The following GPR141 variants were observed in gnomAD, a reference collection of about 807,000 sequenced individuals.
The protein encoded by GPR141 is probable G protein-coupled receptor 141.
In GPR141, 6 loss-of-function variants were observed where a neutral mutation model predicts 6.8. The ratio of observed to expected loss-of-function variants is 0.88; its 90% CI spans 0.48 to 1.74. GPR141 has a LOEUF of 1.74. Ranked by LOEUF, GPR141 falls within the 40% of genes most tolerant of loss-of-function variation. GPR141 has a pLI of 0.01. For synonymous variants in GPR141, 140 were observed against 142.3 expected (o/e 0.98, Z 0.11); for missense variants, 372 against 372.9 (o/e 1.00, Z 0.02).
chr7:37,730,612 T>C (rs2131841653), intron 2 of GPR141, among the ~76,000 whole-genome samples: 1 of 152,360 alleles, frequency 6.6e-6, no homozygotes, highest in Admixed American at 6.5e-5. Flanking sequence ...CACTTGTTTT[T>C]GTGACTGCAG....
chr7:37,729,795 T>G (rs757343345), intron 2 of GPR141: 14 of 152,204 alleles, frequency 9.2e-5, no homozygotes, highest in Non-Finnish European at 1.5e-4. Context: ...GTGAAATATC[T>G]AAGTAGCATC....
intron 2 of GPR141, among the ~76,000 whole-genome samples, chr7:37,713,769 A>T (rs1158605608): frequency 1.3e-5 from 2 of 152,180 alleles, no homozygotes; most frequent in African/African-American, 4.8e-5. Flanking sequence ...CTGAGACGTT[A>T]TTTCTCTCCT....
intron 2 of GPR141, among the ~76,000 whole-genome samples, chr7:37,698,848 A>C (rs1810146151): frequency 6.6e-6 from 1 of 152,186 alleles, no homozygotes; most frequent in African/African-American, 2.4e-5. Context: ...TGAATTGTGA[A>C]AGGTGAAGAA....
intron 2 of GPR141, among the ~76,000 whole-genome samples, chr7:37,724,246 G>A (rs1811504923): frequency 6.6e-6 from 1 of 152,084 alleles, no homozygotes; most frequent in Non-Finnish European, 1.5e-5. Flanking sequence ...TTTGATGAGT[G>A]AGGCTGCAGA....
In GPR141 at chr7:37,740,404, A is replaced by G. The variant is rs1812471097; in HGVS notation, c.11A>G (p.His4Arg). The change falls in exon 3 of 3, where the codon CAC (histidine) becomes CGC (arginine). Residue 4 changes from histidine to arginine, a missense_variant. His to Arg is a conservative substitution (Grantham distance 29). Transcript: ENST00000334425. ...GGTGACTTCCCAAGTATGCCTGGCC[A>G]CAATACCTCCAGGAATTCCTCTTGC... is the stretch of plus-strand genomic sequence containing the variant. Reference protein sequence around the residue: MPGHNTSRNSSCDP... With the variant: MPGRNTSRNSSCDP... 2 of 1,596,664 alleles carry G rather than the reference A, an allele frequency of 1.3e-6. No individual in the cohort carries two copies. Among genetic ancestry groups the G allele is most frequent in the Admixed American group, 1.7e-5 (1 of 59,208 alleles).
Position 37,710,725 on chromosome 7 carries a change from A to G in GPR141, c.-15+25142A>G, listed in dbSNP as rs1326447991. ...CACAGTCTGAGTGCCAGGGACGCTT[A>G]TTGCAACTCTGATGGTTATTATTTC... On this transcript the variant is annotated intron_variant, in intron 2 of 2. Coordinates refer to ENST00000334425, the MANE Select transcript of GPR141 (RefSeq NM_001381946.1). Among the ~76,000 whole-genome samples, 6 of 152,194 alleles carry G rather than the reference A, an allele frequency of 3.9e-5. No homozygotes were observed. In the South Asian group the frequency reaches 1.2e-3, roughly 31 times the overall value.
chr7:37,733,036 G>C (rs1008349372), intron 2 of GPR141, among the ~76,000 whole-genome samples: 1 of 152,202 alleles, frequency 6.6e-6, no homozygotes, highest in Non-Finnish European at 1.5e-5. Context: ...CAGGGAGCTG[G>C]TGGGGAGTGA....
chr7:37,704,003 T>C (rs1191120488), intron 2 of GPR141, among the ~76,000 whole-genome samples: 3 of 152,230 alleles, frequency 2.0e-5, no homozygotes, highest in Non-Finnish European at 4.4e-5. Flanking sequence ...CATTGGCATT[T>C]GCTATTGCTA....
At chr7:37,722,948 T>C (rs1255723910) in intron 2 of GPR141, among the ~76,000 whole-genome samples, 1 of 144,690 alleles carries the variant, frequency 6.9e-6, no homozygotes, top group Non-Finnish European at 1.5e-5. Context: ...CCTTCCTTCC[T>C]TCCTTCCTTC....
chr7:37,726,848 T>G (rs1811657196), intron 2 of GPR141, among the ~76,000 whole-genome samples: 1 of 152,208 alleles, frequency 6.6e-6, no homozygotes, highest in Non-Finnish European at 1.5e-5. Flanking sequence ...AGAAAAAATC[T>G]GGCCCATGGA....
At position 37,741,394 on chromosome 7, in the gene GPR141, A is replaced by C; in HGVS notation, c.*83A>C. 9.6e-7 allele frequency: 1 copy of C among 1,046,800 alleles called. No homozygotes were observed. Among genetic ancestry groups the C allele is most frequent in the Non-Finnish European group, 1.4e-6 (1 of 720,154 alleles). 64.8% of individuals were successfully genotyped at this position (1,046,800 alleles called of 1,614,324 possible). ...GGGGAGGTAAGAATGGTATTTCATT[A>C]CTTGATCAAAACCATGCCTTGATGT... On this transcript the variant is annotated 3_prime_UTR_variant, in exon 3 of 3. Transcript: ENST00000334425.
chr7:37,712,170 C>A (rs1186316490), intron 2 of GPR141, among the ~76,000 whole-genome samples: 2 of 152,136 alleles, frequency 1.3e-5, no homozygotes, highest in African/African-American at 2.4e-5. Context: ...AGAGAGAAGT[C>A]CCAAGGGGGA....
rs868120401 is a variant in GPR141 at position 37,709,858 on chromosome 7, A to G, written c.-15+24275A>G. On this transcript the variant is annotated intron_variant, in intron 2 of 2. Coordinates refer to ENST00000334425, the MANE Select transcript of GPR141 (RefSeq NM_001381946.1). The stretch of plus-strand genomic sequence containing the variant: ...TGCATACAAGAGCTGGGATCACAGC[A>G]GCAGGGACTAAAGGATGTCTGTTGT... 5 of 152,372 alleles carry G rather than the reference A, an allele frequency of 3.3e-5. 1 individual carries two copies. In the Middle Eastern group the frequency reaches 0.01, roughly 311 times the overall value. 9.4% of individuals were successfully genotyped at this position (152,372 alleles called of 1,614,324 possible). A position where few individuals can be genotyped will look rare whatever the true frequency, so the allele number is the denominator to read the frequency against.
At chr7:37,731,228 C>T (rs1245772917) in intron 2 of GPR141, among the ~76,000 whole-genome samples, 1 of 152,172 alleles carries the variant, frequency 6.6e-6, no homozygotes, top group Non-Finnish European at 1.5e-5. Context: ...ATCCTGCATA[C>T]TCATCTCTTC....
chr7:37,700,965 C>G (rs563015389), intron 2 of GPR141, among the ~76,000 whole-genome samples: 59 of 152,292 alleles, frequency 3.9e-4, no homozygotes, highest in Non-Finnish European at 8.2e-4. Flanking sequence ...TCTGATTAAC[C>G]TGAGCGTGGA....
rs142256875 is a variant in GPR141 at position 37,695,960 on chromosome 7, G to A, written c.-15+10377G>A. On this transcript the variant is annotated intron_variant, in intron 2 of 2. Transcript: ENST00000334425. Reference sequence around the variant, plus strand: ...GTATAAATGAAATTACATAATATTTGTTCTTTTCCTTAAAGATAAATTCTT... The same window carrying A: ...GTATAAATGAAATTACATAATATTTATTCTTTTCCTTAAAGATAAATTCTT... Among the ~76,000 whole-genome samples the A allele has an allele frequency of 4.5e-3, 684 of 152,170 alleles. 8 individuals are homozygous for A. The highest frequency in any genetic ancestry group is 0.015 in the African/African-American group (631 of 41,488).
chr7:37,725,187 T>C (rs1368494326), intron 2 of GPR141, among the ~76,000 whole-genome samples: 1 of 152,110 alleles, frequency 6.6e-6, no homozygotes, highest in Non-Finnish European at 1.5e-5. Flanking sequence ...GGGGTGAATA[T>C]AGAGAATGAC....
intron 2 of GPR141, among the ~76,000 whole-genome samples, chr7:37,690,170 T>G (rs182918818): frequency 1.4e-4 from 22 of 152,248 alleles, no homozygotes; most frequent in Non-Finnish European, 2.4e-4. Flanking sequence ...CAGGAGCATG[T>G]TTTTTTGTTT....
At chr7:37,713,777 C>T (rs1365960119) in intron 2 of GPR141, among the ~76,000 whole-genome samples, 1 of 152,166 alleles carries the variant, frequency 6.6e-6, no homozygotes, top group African/African-American at 2.4e-5. Context: ...TTATTTCTCT[C>T]CTGTGTAATT....
Sources: gnomAD v4.1 joint callset for allele counts (sites outside exome capture counted in the v4.1 genomes callset) on GRCh38, gnomAD v4.1.1 for gene constraint, MANE v1.5 for transcripts, NCBI Gene and HGNC (gene_info 2026-07-23, HGNC 2026-07-21) for gene names.